The following PHKB variants were observed in gnomAD, a reference collection of about 807,000 sequenced individuals.
PHKB encodes phosphorylase kinase regulatory subunit beta.
PHKB carries 122 observed loss-of-function variants against 152.1 expected under a neutral mutation model. That is an observed-to-expected ratio of 0.80 (90% confidence interval 0.69 to 0.93). The LOEUF (loss-of-function observed/expected upper bound fraction) is 0.93. Among genes scored for constraint, PHKB ranks in the 40% least tolerant of loss-of-function variants. The pLI is 0.00. For missense variants in PHKB, 1,304 were observed against 1,328.4 expected (o/e 0.98, Z 0.29); for synonymous variants, 436 against 464.9 (o/e 0.94, Z 0.80).
rs371395097 is a variant in PHKB at position 47,482,790 on chromosome 16, C to T, written c.77-14609C>T. 1.4e-4 allele frequency among the ~76,000 whole-genome samples: 22 copies of T among 151,730 alleles called. No individual in the cohort carries two copies. In the East Asian group the frequency reaches 2.9e-3, roughly 20 times the overall value. On this transcript the variant is annotated intron_variant, in intron 1 of 30. Coordinates refer to ENST00000323584, the MANE Select transcript of PHKB (RefSeq NM_000293.3). Reference sequence around the variant, plus strand: ...GCTAGAGTGCAGTGGCAGTGATCTCCGCTCACTGCAACCTCTGCCTCCTGG... The same window carrying T: ...GCTAGAGTGCAGTGGCAGTGATCTCTGCTCACTGCAACCTCTGCCTCCTGG...
chr16:47,628,332 A>G (rs1972749016), intron 14 of PHKB, among the ~76,000 whole-genome samples: 2 of 152,264 alleles, frequency 1.3e-5, no homozygotes, highest in South Asian at 4.1e-4. Flanking sequence ...GGAGATCGAG[A>G]CCATCCTGGC....
intron 14 of PHKB, among the ~76,000 whole-genome samples, chr16:47,612,080 A>G (rs1972439225): frequency 6.6e-6 from 1 of 152,188 alleles, no homozygotes; most frequent in Admixed American, 6.5e-5. Context: ...TGTCAACAAA[A>G]CAAGTGTTTG....
chr16:47,595,595 G>A (rs1410209514), intron 12 of PHKB, among the ~76,000 whole-genome samples: 1 of 152,100 alleles, frequency 6.6e-6, no homozygotes, highest in Non-Finnish European at 1.5e-5. Context: ...CTTTGCTCTA[G>A]CAATGGCTCA....
intron 1 of PHKB, among the ~76,000 whole-genome samples, chr16:47,469,533 G>A (rs1969727312): frequency 6.6e-6 from 1 of 152,098 alleles, no homozygotes; most frequent in Non-Finnish European, 1.5e-5. Context: ...GTTCTCCTAA[G>A]TGGGAGCTAA....
rs527374898 is a variant in PHKB at position 47,567,026 on chromosome 16, A to G, written c.711-13269A>G. 82 of 388,488 alleles carry G rather than the reference A, an allele frequency of 2.1e-4. 1 individual carries two copies. The Middle Eastern group carries it at 2.2e-3, about 11-fold the overall frequency. 24.1% of individuals were successfully genotyped at this position (388,488 alleles called of 1,614,324 possible). On this transcript the variant is annotated intron_variant, in intron 7 of 30. Coordinates refer to ENST00000323584, the MANE Select transcript of PHKB (RefSeq NM_000293.3). ...GTATAATTTTAAGTCAGGTAATGTG[A>G]TATCTCCAGATTTCTTCTTTTTGCT...
chr16:47,593,170 G>GGA (rs3033549), intron 10 of PHKB, among the ~76,000 whole-genome samples: 5 of 138,684 alleles, frequency 3.6e-5, no homozygotes, highest in Non-Finnish European at 7.8e-5. Flanking sequence ...AAAGGGAGAG[G>GGA]GAGAGAGAGA....
chr16:47,529,798 G>A (rs1272000937), intron 6 of PHKB: 1 of 152,174 alleles, frequency 6.6e-6, no homozygotes, highest in Non-Finnish European at 1.5e-5. Flanking sequence ...AAGGAAGAGA[G>A]ACCAGATATT....
At position 47,495,430 on chromosome 16, in the gene PHKB, C is replaced by A. The variant is rs114817653; in HGVS notation, c.77-1969C>A. 7.1e-3 allele frequency among the ~76,000 whole-genome samples: 1,085 copies of A among 152,112 alleles called. 16 individuals carry two copies. The highest frequency in any genetic ancestry group is 0.025 in the African/African-American group (1,040 of 41,506). ...TTTTAATGGAATTATATACTCAGCT[C>A]TTGGTGATTTATGTTTTGTATGTAA... On this transcript the variant is annotated intron_variant, in intron 1 of 30. Transcript: ENST00000323584.
intron 1 of PHKB, chr16:47,463,903 G>A: frequency 6.2e-7 from 1 of 1,613,236 alleles, no homozygotes; most frequent in Non-Finnish European, 8.5e-7. Context: ...CTATAGCTTA[G>A]CCTGCGACGC....
At chr16:47,653,915 G>A (rs1283257485) in intron 20 of PHKB, among the ~76,000 whole-genome samples, 2 of 152,138 alleles carry the variant, frequency 1.3e-5, no homozygotes, top group African/African-American at 2.4e-5. Context: ...AAAAATCAGA[G>A]TTCAGGGCCC....
At chr16:47,563,235 G>A (rs1971506189) in intron 7 of PHKB, among the ~76,000 whole-genome samples, 1 of 150,362 alleles carries the variant, frequency 6.7e-6, no homozygotes, top group African/African-American at 2.5e-5. Context: ...GTGGCATCTA[G>A]AATGGCGAGT....
intron 1 of PHKB, among the ~76,000 whole-genome samples, chr16:47,491,245 T>G (rs1244344065): frequency 6.6e-6 from 1 of 152,176 alleles, no homozygotes; most frequent in African/African-American, 2.4e-5. Context: ...TCTATATGTT[T>G]GTAAGGAAGT....
rs1271838770 is a variant in PHKB, at chr16:47,603,748, GCCCGC to G, written c.1364-7076_1364-7072del. Among the ~76,000 whole-genome samples, 18 of 152,182 alleles carry G rather than the reference GCCCGC, an allele frequency of 1.2e-4. 1 individual carries two copies. Among genetic ancestry groups the G allele is most frequent in the Admixed American group, 1.1e-3 (17 of 15,280 alleles). On this transcript the variant is annotated intron_variant, in intron 13 of 30. Transcript: ENST00000323584. Reference sequence around the variant, plus strand: ...TCGAACTCCTGAGCTCGGGCAATCTGCCCGCCTTGGCCTCCCAAAGTGCTGGGATT... The same window carrying G: ...TCGAACTCCTGAGCTCGGGCAATCTGCTTGGCCTCCCAAAGTGCTGGGATT...
intron 9 of PHKB, 115 bp from the exon 10 acceptor site, chr16:47,588,790 C>T (rs566295422): frequency 1.1e-5 from 9 of 813,170 alleles, no homozygotes; most frequent in African/African-American, 1.7e-5. Flanking sequence ...GGGAGCAGAG[C>T]GTGCTCACTT....
At chr16:47,646,543 A>C (rs2151729150) in intron 16 of PHKB, among the ~76,000 whole-genome samples, 1 of 148,294 alleles carries the variant, frequency 6.7e-6, no homozygotes, top group South Asian at 2.1e-4. Flanking sequence ...AAAAAAAAAA[A>C]ACATTAAAAA....
chr16:47,473,036 A>G (rs1319027148), intron 1 of PHKB, among the ~76,000 whole-genome samples: 1 of 150,486 alleles, frequency 6.6e-6, no homozygotes, highest in Admixed American at 6.6e-5. Context: ...AGCTTCTAGG[A>G]TCTGTGTTTT....
chr16:47,686,017 G>A (rs989942739), intron 26 of PHKB, among the ~76,000 whole-genome samples: 2 of 152,110 alleles, frequency 1.3e-5, no homozygotes, highest in African/African-American at 2.4e-5. Context: ...TGGGATTACC[G>A]GCATGAGCCA....
intron 13 of PHKB, among the ~76,000 whole-genome samples, chr16:47,603,542 C>T (rs567166160): frequency 5.5e-5 from 8 of 144,864 alleles, no homozygotes; most frequent in East Asian, 2.0e-4. Flanking sequence ...CTCGCTGTGT[C>T]GCCCAGGCTG....
intron 8 of PHKB, among the ~76,000 whole-genome samples, chr16:47,582,205 T>C (rs1971859372): frequency 6.6e-6 from 1 of 152,194 alleles, no homozygotes; most frequent in African/African-American, 2.4e-5. Flanking sequence ...GGTTGGCTGT[T>C]ACATGGTAGT....
Sources: gnomAD v4.1 joint callset for allele counts (sites outside exome capture counted in the v4.1 genomes callset) on GRCh38, gnomAD v4.1.1 for gene constraint, MANE v1.5 for transcripts, NCBI Gene and HGNC (gene_info 2026-07-23, HGNC 2026-07-21) for gene names.